Variants in CHM observed in about 807,000 individuals in gnomAD.
CHM encodes the protein CHM Rab escort protein, also known as rab proteins geranylgeranyltransferase component A 1.
In CHM, 10 loss-of-function variants were observed where a neutral mutation model predicts 49.0. The ratio of observed to expected loss-of-function variants is 0.20; its 90% CI spans 0.13 to 0.35. The LOEUF (loss-of-function observed/expected upper bound fraction) is 0.35, where lower values mean the gene tolerates loss of function less well. Among genes scored for constraint, CHM ranks in the 10% least tolerant of loss-of-function variants. The pLI is 1.00. For missense variants in CHM, 455 were observed against 478.4 expected (o/e 0.95, Z 0.46); for synonymous variants, 184 against 167.5 (o/e 1.10, Z -0.76).
chrX:85,873,244 T>A, intron 13 of CHM, 32 bp from the exon 14 acceptor site: 1 of 995,935 alleles, frequency 1.0e-6, no homozygotes, highest in Non-Finnish European at 1.4e-6. Context: ...ATTTACATTC[T>A]AAAATACAAT....
intron 6 of CHM, 71 bp downstream of exon 6, chrX:85,958,790 G>T (rs1930136961): frequency 1.7e-6 from 2 of 1,198,530 alleles, no homozygotes; most frequent in Admixed American, 4.4e-5. Context: ...AATCTTATTT[G>T]CTTATCTTTC....
intron 5 of CHM, 48 bp from the exon 6 acceptor site, chrX:85,959,025 A>T: frequency 8.4e-7 from 1 of 1,189,649 alleles, no homozygotes; most frequent in Non-Finnish European, 1.1e-6. Context: ...ATAGTAGAAA[A>T]ATTGGAAAAC....
chrX:85,900,648 G>A lies in CHM; in HGVS notation c.1411C>T (p.Gln471Ter), dbSNP rs1926202704. 8.7e-7 allele frequency: 1 copy of A among 1,150,013 alleles called. No individual in the cohort carries two copies. Among genetic ancestry groups the A allele is most frequent in the Non-Finnish European group, 1.2e-6 (1 of 842,983 alleles). 94.8% of individuals were successfully genotyped at this position (1,150,013 alleles called of 1,213,427 possible). A position where few individuals can be genotyped will look rare whatever the true frequency, so the allele number is the denominator to read the frequency against. Residue 471 changes from glutamine to a stop codon, truncating the protein, a stop_gained and splice_region_variant, in exon 11 of 15, where the codon CAG becomes TAG. Coordinates refer to ENST00000357749, the MANE Select transcript of CHM (RefSeq NM_000390.4). LOFTEE classifies it high-confidence loss of function. The part of the protein sequence containing the change: ...RSVLKTDSDQ[Q>*]ISILTVPAEE... ...AAAATATATAGGACTGAATTTACCT[G>A]TTGATCTGAATCTGTTTTTAGGACA...
At chrX:85,982,932 G>A (rs1931710686) in intron 2 of CHM, among the ~76,000 whole-genome samples, 1 of 110,887 alleles carries the variant, frequency 9.0e-6, no homozygotes, top group Admixed American at 9.6e-5. Flanking sequence ...GAGCCCAGAA[G>A]TTCAATACCA....
intron 4 of CHM, chrX:85,969,357 G>C (rs1930760149): frequency 1.2e-5 from 9 of 735,408 alleles, no homozygotes; most frequent in African/African-American, 4.7e-5. Context: ...ACTTGAGTTT[G>C]TGTGATTTAA....
intron 8 of CHM, among the ~76,000 whole-genome samples, chrX:85,949,750 T>C (rs1292954057): frequency 9.3e-6 from 1 of 108,060 alleles, no homozygotes; most frequent in Non-Finnish European, 1.9e-5. Flanking sequence ...TAAAATCACA[T>C]ATTTAGGTAA....
At chrX:85,987,022 C>T (rs925149658) in intron 2 of CHM, among the ~76,000 whole-genome samples, 7 of 110,022 alleles carry the variant, frequency 6.4e-5, no homozygotes, top group Non-Finnish European at 1.3e-4. Flanking sequence ...TATCACAATG[C>T]AATCACAAGT....
intron 4 of CHM, among the ~76,000 whole-genome samples, chrX:85,966,348 TAA>T (rs761814256): frequency 1.2e-4 from 8 of 67,086 alleles, no homozygotes; most frequent in Admixed American, 1.8e-4. Flanking sequence ...AAACTCCGTC[TAA>T]AAAAAAAAAA....
chrX:85,918,403 A>G (rs1250295402), intron 8 of CHM, among the ~76,000 whole-genome samples: 1 of 112,121 alleles, frequency 8.9e-6, no homozygotes, highest in African/African-American at 3.2e-5. Context: ...AGATCCTCAA[A>G]GGACCTAAAT....
intron 14 of CHM, among the ~76,000 whole-genome samples, chrX:85,872,609 TAA>T (rs1228899862): frequency 1.8e-5 from 2 of 112,102 alleles, no homozygotes; most frequent in African/African-American, 3.2e-5. Context: ...AAAAATGCAT[TAA>T]GACTACTGTA....
At chrX:85,939,009 T>A (rs985382829) in intron 8 of CHM, among the ~76,000 whole-genome samples, 2 of 112,265 alleles carry the variant, frequency 1.8e-5, no homozygotes, top group Non-Finnish European at 3.8e-5. Flanking sequence ...TTCCTATGCT[T>A]ACGTATGTTT....
chrX:85,963,845 C>T lies in CHM; in HGVS notation c.522G>A (p.Val174=). ...ENALEVNGAE[V]TGEKENHCDD... ...CACAATGGTTTTCTTTTTCCCCTGT[C>T]ACTTCAGCACCATTTACTTCTAGCG... is the stretch of plus-strand genomic sequence containing the variant. The change falls in exon 5 of 15, where the codon GTG becomes GTA. Residue 174 remains valine, a synonymous_variant. Coordinates refer to ENST00000357749, the MANE Select transcript of CHM (RefSeq NM_000390.4). The T allele has an allele frequency of 8.3e-7, 1 of 1,211,329 alleles. No individual in the cohort carries two copies. Among genetic ancestry groups the T allele is most frequent in the Non-Finnish European group, 1.1e-6 (1 of 895,416 alleles).
intron 2 of CHM, among the ~76,000 whole-genome samples, chrX:85,998,069 G>A (rs2147740898): frequency 9.0e-6 from 1 of 111,323 alleles, no homozygotes; most frequent in East Asian, 2.8e-4. Flanking sequence ...GAAATCTATT[G>A]GGATGAATTT....
chrX:85,980,084 C>T (rs770195674), intron 3 of CHM, among the ~76,000 whole-genome samples: 2 of 111,304 alleles, frequency 1.8e-5, no homozygotes, highest in South Asian at 7.6e-4. Context: ...TCAAGAAAAA[C>T]ATTTTTATTT....
At chrX:85,969,235 C>G in intron 4 of CHM, 1 of 730,346 alleles carries the variant, frequency 1.4e-6, no homozygotes, top group Non-Finnish European at 1.6e-6. Flanking sequence ...GAAAATAGGA[C>G]AGAAAATGTA....
At chrX:85,987,595 AATAAG>A (rs1304606166) in intron 2 of CHM, among the ~76,000 whole-genome samples, 2 of 112,059 alleles carry the variant, frequency 1.8e-5, no homozygotes, top group African/African-American at 3.2e-5. Context: ...TGAAAAAATT[AATAAG>A]ATAGATAGGA....
At chrX:85,968,034 T>C (rs2411872) in intron 4 of CHM, among the ~76,000 whole-genome samples, 18,950 of 110,957 alleles carry the variant, frequency 0.17, 1,560 homozygotes, top group Non-Finnish European at 0.25. Context: ...TCTTACCCAA[T>C]ACGACTTGCT....
At chrX:86,021,144 A>ACACG (rs1933573969) in intron 2 of CHM, among the ~76,000 whole-genome samples, 3 of 52,883 alleles carry the variant, frequency 5.7e-5, no homozygotes, top group Non-Finnish European at 9.7e-5. Context: ...ATATATATAT[A>ACACG]TATATATATA....
intron 4 of CHM, among the ~76,000 whole-genome samples, chrX:85,976,678 A>AGTCCAAACCC (rs1931279437): frequency 9.0e-6 from 1 of 110,753 alleles, no homozygotes; most frequent in Admixed American, 9.6e-5. Context: ...GAGATCGCCT[A>AGTCCAAACCC]GTCCAAACCC....
Sources: gnomAD v4.1 joint callset for allele counts (sites outside exome capture counted in the v4.1 genomes callset) on GRCh38, gnomAD v4.1.1 for gene constraint, MANE v1.5 for transcripts, NCBI Gene and HGNC (gene_info 2026-07-23, HGNC 2026-07-21) for gene names.